GPHN: variants seen among roughly 807,000 people sequenced by gnomAD.
GPHN encodes the protein gephyrin.
A neutral mutation model predicts 95.5 loss-of-function variants in GPHN; 17 were observed. That is an observed-to-expected ratio of 0.18 (90% CI 0.12 to 0.27). GPHN has a LOEUF of 0.27. Among genes scored for constraint, GPHN ranks in the 10% least tolerant of loss-of-function variants. The pLI is 1.00. For synonymous variants in GPHN, 320 were observed against 322.5 expected (o/e 0.99, Z 0.08); for missense variants, 660 against 978.1 (o/e 0.67, Z 4.34).
chr14:67,659,909 T>G, the GPHN span: 3 of 1,613,140 alleles, frequency 1.9e-6, no homozygotes, highest in Non-Finnish European at 2.5e-6. Flanking sequence ...TAGCTCCTCC[T>G]CCATCTCTGC....
At chr14:67,643,590 A>G in the GPHN span, among the ~76,000 whole-genome samples, 4 of 152,306 alleles carry the variant, frequency 2.6e-5, no homozygotes, top group African/African-American at 9.6e-5. Flanking sequence ...TCAGGAGGCC[A>G]AGGTGGGAGG....
the GPHN span, chr14:67,473,530 C>G: frequency 6.2e-7 from 1 of 1,614,114 alleles, no homozygotes; most frequent in South Asian, 1.1e-5. The surrounding 1 kb of genome is among the most constrained non-coding windows in gnomAD (Gnocchi z 6.5). Flanking sequence ...ATGAACTGCT[C>G]CATGATGAGG....
chr14:67,705,627 G>A, the GPHN span, among the ~76,000 whole-genome samples: 2 of 152,204 alleles, frequency 1.3e-5, no homozygotes, highest in Admixed American at 1.3e-4. Context: ...AGTTTAGTTA[G>A]TGGTGTTGTA....
chr14:66,634,537 CA>C (rs1274821713), intron 1 of GPHN, among the ~76,000 whole-genome samples: 6 of 151,988 alleles, frequency 3.9e-5, no homozygotes, highest in African/African-American at 1.5e-4. Flanking sequence ...CTGGGTGAGC[CA>C]ATCTTAAGGT....
intron 3 of GPHN, among the ~76,000 whole-genome samples, chr14:66,802,263 G>A (rs920983411): frequency 6.6e-6 from 1 of 152,144 alleles, no homozygotes; most frequent in Non-Finnish European, 1.5e-5. Flanking sequence ...GGCTTATGGC[G>A]AGTACTGCCA....
the GPHN span, among the ~76,000 whole-genome samples, chr14:67,580,498 T>C: frequency 6.6e-6 from 1 of 152,260 alleles, no homozygotes; most frequent in Non-Finnish European, 1.5e-5. Flanking sequence ...CAAAGGCTTC[T>C]ATGGTCTTTT....
At chr14:67,396,155 GT>G in the GPHN span, among the ~76,000 whole-genome samples, 2 of 150,394 alleles carry the variant, frequency 1.3e-5, no homozygotes, top group African/African-American at 4.9e-5. Context: ...TTTGTTTTTT[GT>G]TTTTTTCTTG....
chr14:66,605,410 T>C (rs1285287467), intron 1 of GPHN, among the ~76,000 whole-genome samples: 4 of 152,164 alleles, frequency 2.6e-5, no homozygotes, highest in Non-Finnish European at 4.4e-5. Flanking sequence ...TGTAAGATGG[T>C]ATATTGTTGT....
At position 66,584,109 on chromosome 14, in the gene GPHN, G is replaced by C. The variant is rs557197944; in HGVS notation, c.64+75518G>C. Among the ~76,000 whole-genome samples, 806 of 152,162 alleles carry C rather than the reference G, an allele frequency of 5.3e-3. 20 individuals are homozygous for C. The highest frequency in any genetic ancestry group is 0.042 in the Admixed American group (642 of 15,268). ...CTTGAAGAGGTCCTTCACATCCCTTGTAAGTTGGATTCCTAGGTATTTTAT... is the reference window on the plus strand; with the variant it reads ...CTTGAAGAGGTCCTTCACATCCCTTCTAAGTTGGATTCCTAGGTATTTTAT... On this transcript the variant is annotated intron_variant, in intron 1 of 22. Transcript: ENST00000478722.
intron 9 of GPHN, among the ~76,000 whole-genome samples, chr14:66,976,506 A>G (rs910435598): frequency 1.1e-4 from 16 of 152,286 alleles, no homozygotes; most frequent in Middle Eastern, 3.4e-3. Context: ...CCCATAGTAA[A>G]CTATCCTCTG....
chr14:67,702,844 C>A, the GPHN span, among the ~76,000 whole-genome samples: 3 of 152,182 alleles, frequency 2.0e-5, no homozygotes, highest in African/African-American at 7.2e-5. Flanking sequence ...AACAGGGCCT[C>A]ACTCTGTTGC....
the GPHN span, among the ~76,000 whole-genome samples, chr14:67,315,071 G>GT: frequency 6.6e-6 from 1 of 152,040 alleles, no homozygotes; most frequent in Non-Finnish European, 1.5e-5. Flanking sequence ...TCACACCAGT[G>GT]TAACAGAGCA....
At chr14:67,258,341 T>A in the GPHN span, among the ~76,000 whole-genome samples, 2 of 152,120 alleles carry the variant, frequency 1.3e-5, no homozygotes, top group East Asian at 3.9e-4. Context: ...TCGAGACTAG[T>A]CTGGGCAATG....
chr14:66,979,129 T>C (rs2070474210), intron 9 of GPHN, among the ~76,000 whole-genome samples: 1 of 152,222 alleles, frequency 6.6e-6, no homozygotes, highest in Non-Finnish European at 1.5e-5. Context: ...TTTTGCATAA[T>C]TCTTAAAGGC....
chr14:66,788,880 T>C (rs1469179388), intron 3 of GPHN, among the ~76,000 whole-genome samples: 1 of 152,146 alleles, frequency 6.6e-6, no homozygotes, highest in African/African-American at 2.4e-5. Context: ...AGATGGGGTT[T>C]CGCCAGTAGG....
At chr14:67,688,937 G>A in the GPHN span, among the ~76,000 whole-genome samples, 147,754 of 152,294 alleles carry the variant, frequency 0.97, 71,808 homozygotes, top group East Asian at 1. Context: ...CACTGAATAC[G>A]TGTCTGCTGA....
At chr14:67,333,077 C>T in the GPHN span, 7 of 847,724 alleles carry the variant, frequency 8.3e-6, no homozygotes, top group Non-Finnish European at 1.3e-5. Context: ...AGCTGTAGAT[C>T]TGTTCTTAGA....
chr14:67,317,332 T>TA, the GPHN span: 1 of 1,258,992 alleles, frequency 7.9e-7, no homozygotes, highest in South Asian at 1.4e-5. Flanking sequence ...AATGAATAAA[T>TA]AGAGTTCTTC....
At chr14:67,365,187 A>G in the GPHN span, among the ~76,000 whole-genome samples, 163 of 152,358 alleles carry the variant, frequency 1.1e-3, no homozygotes, top group African/African-American at 3.7e-3. Flanking sequence ...AGATCTCTTA[A>G]TAGTAGTTTA....
Sources: gnomAD v4.1 joint callset for allele counts (sites outside exome capture counted in the v4.1 genomes callset) on GRCh38, gnomAD v4.1.1 for gene constraint, Gnocchi (gnomAD v3.1) non-coding constraint, MANE v1.5 for transcripts, NCBI Gene and HGNC (gene_info 2026-07-23, HGNC 2026-07-21) for gene names.